The following CYFIP1 variants were observed in gnomAD, a reference collection of about 807,000 sequenced individuals.
The protein encoded by CYFIP1 is cytoplasmic FMR1-interacting protein 1.
A neutral mutation model predicts 163.5 loss-of-function variants in CYFIP1; 58 were observed. The ratio of observed to expected loss-of-function variants is 0.35; its 90% CI spans 0.29 to 0.44. CYFIP1 has a LOEUF of 0.44. Among genes scored for constraint, CYFIP1 ranks in the 20% least tolerant of loss-of-function variants. The pLI, the probability that CYFIP1 is intolerant of heterozygous loss-of-function variation, is 1.00. For synonymous variants in CYFIP1, 663 were observed against 660.7 expected, an observed-to-expected ratio of 1.00 and a Z score of -0.05; for missense variants, 1,338 against 1,653.8, an observed-to-expected ratio of 0.81 and a Z score of 3.31.
chr15:22,889,833 C>T (rs184998807), intron 23 of CYFIP1, among the ~76,000 whole-genome samples: 1 of 152,236 alleles, frequency 6.6e-6, no homozygotes, highest in African/African-American at 2.4e-5. Flanking sequence ...TTCACAGAGA[C>T]CCAAGAAATT....
intron 1 of CYFIP1, among the ~76,000 whole-genome samples, chr15:22,977,373 T>C (rs1181754749): frequency 2.0e-5 from 3 of 152,196 alleles, no homozygotes; most frequent in Admixed American, 2.0e-4. Flanking sequence ...TTTGTATGCC[T>C]TTTCTTTCTT....
At chr15:22,872,267 C>G (rs116485684) in intron 30 of CYFIP1, among the ~76,000 whole-genome samples, 8,815 of 146,330 alleles carry the variant, frequency 0.06, 448 homozygotes, top group African/African-American at 0.14. Flanking sequence ...TGCACCCCAG[C>G]CTGAGCAACA....
chr15:22,953,840 A>G (rs566529688), intron 1 of CYFIP1, among the ~76,000 whole-genome samples: 43 of 152,230 alleles, frequency 2.8e-4, no homozygotes, highest in Non-Finnish European at 4.9e-4. Context: ...TGGATCACGA[A>G]GTCAGGAGAT....
intron 25 of CYFIP1, among the ~76,000 whole-genome samples, chr15:22,881,605 C>G (rs559819866): frequency 1.3e-5 from 2 of 152,206 alleles, no homozygotes; most frequent in South Asian, 4.2e-4. Flanking sequence ...GCAATTCTTT[C>G]GTAGGGGTGC....
chr15:22,932,450 G>T, intron 10 of CYFIP1, 110 bp from the exon 11 acceptor site: 2 of 613,394 alleles, frequency 3.3e-6, no homozygotes, highest in Non-Finnish European at 5.4e-6. Context: ...TGGCTTTTAT[G>T]TTTTTAAAGG....
At chr15:22,900,895 C>T (rs1177869976) in intron 22 of CYFIP1, among the ~76,000 whole-genome samples, 2 of 151,972 alleles carry the variant, frequency 1.3e-5, no homozygotes, top group Non-Finnish European at 2.9e-5. Flanking sequence ...CTAGTACCTG[C>T]AGAGGGAATG....
chr15:22,918,265 C>T (rs1377903273), intron 14 of CYFIP1, among the ~76,000 whole-genome samples: 1 of 152,164 alleles, frequency 6.6e-6, no homozygotes, highest in Admixed American at 6.5e-5. Flanking sequence ...CAGAGCTGGG[C>T]CCCGCCTGCC....
At chr15:22,892,710 A>G (rs1277693639) in intron 23 of CYFIP1, among the ~76,000 whole-genome samples, 180 bp downstream of exon 23, 1 of 152,320 alleles carries the variant, frequency 6.6e-6, no homozygotes, top group East Asian at 1.9e-4. Context: ...TTGGTTGGCT[A>G]GTTTTTGTTT....
chr15:22,870,087 G>A lies in CYFIP1; in HGVS notation c.3703C>T (p.Pro1235Ser), dbSNP rs372951548. Residue 1235 changes from proline to serine, a missense_variant, in exon 31 of 31, where the codon CCA becomes TCA. Transcript: ENST00000617928. Reference protein sequence around the residue: ...YLKSGDGEGTPVEHVRCFQPP... With the variant: ...YLKSGDGEGTSVEHVRCFQPP... ...TGGAAGCAGCGCACATGCTCCACTG[G>A]CGTGCCCTCCCCGTCGCCTGACTTC... 2.5e-5 allele frequency: 41 copies of A among 1,612,756 alleles called. No homozygotes were observed. The East Asian group carries it at 3.6e-4, about 14-fold the overall frequency.
At chr15:22,887,634 G>A (rs1403446490) in intron 23 of CYFIP1, among the ~76,000 whole-genome samples, 1 of 152,198 alleles carries the variant, frequency 6.6e-6, no homozygotes, top group African/African-American at 2.4e-5. Flanking sequence ...CCTGCCCAGT[G>A]TCCGGTTTCC....
intron 13 of CYFIP1, among the ~76,000 whole-genome samples, chr15:22,925,419 T>C (rs2061327265): frequency 6.6e-6 from 1 of 152,058 alleles, no homozygotes; most frequent in Non-Finnish European, 1.5e-5. Context: ...GCTACAAAGG[T>C]GGCAGCGTGA....
intron 22 of CYFIP1, among the ~76,000 whole-genome samples, chr15:22,902,141 C>A (rs975958188): frequency 6.6e-6 from 1 of 152,226 alleles, no homozygotes; most frequent in Non-Finnish European, 1.5e-5. Context: ...TAAGATGGAA[C>A]CAGCCTGCCT....
intron 21 of CYFIP1, among the ~76,000 whole-genome samples, chr15:22,906,459 ACTAT>A (rs2060583148): frequency 8.7e-6 from 1 of 115,414 alleles, no homozygotes; most frequent in African/African-American, 3.4e-5. Flanking sequence ...CACAGCAACT[ACTAT>A]TTTTTTTTTT....
chr15:22,893,851 C>A (rs1025034529), intron 22 of CYFIP1, among the ~76,000 whole-genome samples: 11 of 152,152 alleles, frequency 7.2e-5, no homozygotes, highest in African/African-American at 2.7e-4. Flanking sequence ...TGTCTCTGTG[C>A]ACCTGCATCT....
At position 22,951,235 on chromosome 15, in the gene CYFIP1, G is replaced by C. The variant is rs781436358; in HGVS notation, c.-6-3944C>G. ...CCAGCCACCTGGACCTCCCCGACAC[G>C]TAAGGGAACGCCCCCGACCGCAGCC... On this transcript the variant is annotated intron_variant, in intron 1 of 30. Transcript: ENST00000617928. The C allele has an allele frequency of 1.1e-5, 9 of 852,350 alleles. No individual in the cohort carries two copies. In the African/African-American group the frequency reaches 1.7e-4, roughly 16 times the overall value. The allele number at this position is 852,350 out of a possible 1,614,324, so 52.8% of individuals were successfully genotyped here.
intron 11 of CYFIP1, among the ~76,000 whole-genome samples, chr15:22,930,389 C>CCA (rs1555412977): frequency 8.8e-6 from 1 of 114,084 alleles, no homozygotes; most frequent in Non-Finnish European, 1.8e-5. Context: ...CCGTCTCACC[C>CCA]AAAAAAAAAA....
intron 5 of CYFIP1, among the ~76,000 whole-genome samples, chr15:22,943,978 C>T (rs1211564114): frequency 6.6e-6 from 1 of 152,060 alleles, no homozygotes; most frequent in Non-Finnish European, 1.5e-5. Flanking sequence ...GTGGCTCACA[C>T]CTGTAATCTC....
Position 22,972,304 on chromosome 15 carries a change from C to T in CYFIP1, c.-7+7983G>A, listed in dbSNP as rs577820669. ...CAAAAAAATTAGCTGGGTGTGGTGG[C>T]GCACGCCTGTAATCCCCAGCTACTC... On this transcript the variant is annotated intron_variant, in intron 1 of 30. Coordinates refer to ENST00000617928, the MANE Select transcript of CYFIP1 (RefSeq NM_014608.6). Among the ~76,000 whole-genome samples, 12 of 152,186 alleles carry T rather than the reference C, an allele frequency of 7.9e-5. No individual in the cohort carries two copies. In the East Asian group the frequency reaches 1.2e-3, roughly 15 times the overall value.
At chr15:22,905,614 AT>A (rs1435066084) in intron 21 of CYFIP1, among the ~76,000 whole-genome samples, 1 of 148,198 alleles carries the variant, frequency 6.7e-6, no homozygotes, top group Non-Finnish European at 1.5e-5. Context: ...AATTTATTGT[AT>A]TTTTTAGTAG....
Sources: allele counts gnomAD v4.1 joint callset (sites outside exome capture counted in the v4.1 genomes callset), GRCh38; gene constraint gnomAD v4.1.1; transcripts MANE v1.5; gene names NCBI Gene and HGNC (gene_info 2026-07-23, HGNC 2026-07-21).